The following SMARCA2 variants were observed in gnomAD, a reference collection of about 807,000 sequenced individuals.
The protein encoded by SMARCA2 is SWI/SNF-related matrix-associated actin-dependent regulator of chromatin subfamily A member 2.
In SMARCA2, 61 loss-of-function variants were observed where a neutral mutation model predicts 199.8. The ratio of observed to expected loss-of-function variants is 0.31; its 90% CI spans 0.25 to 0.38. The LOEUF (loss-of-function observed/expected upper bound fraction) is 0.38. Among genes scored for constraint, SMARCA2 ranks in the 10% least tolerant of loss-of-function variants. The pLI, the probability that SMARCA2 is intolerant of heterozygous loss-of-function variation, is 1.00. For synonymous variants in SMARCA2, 935 were observed against 732.0 expected (o/e 1.28, Z -4.48); for missense variants, 1,344 against 2,012.2 (o/e 0.67, Z 6.35).
At chr9:2,023,422 A>G (rs1200039180) in intron 1 of SMARCA2, among the ~76,000 whole-genome samples, 3 of 152,238 alleles carry the variant, frequency 2.0e-5, no homozygotes, top group South Asian at 2.1e-4. Context: ...CTTTTAAAAA[A>G]CATATTTGAC....
At chr9:2,019,020 G>A (rs1461645272) in intron 1 of SMARCA2, among the ~76,000 whole-genome samples, 1 of 151,816 alleles carries the variant, frequency 6.6e-6, no homozygotes. Context: ...TTATTCTCTT[G>A]GACTTTCTTT....
At chr9:2,184,200 C>T (rs117036926) in intron 31 of SMARCA2, among the ~76,000 whole-genome samples, 3,030 of 152,260 alleles carry the variant, frequency 0.02, 36 homozygotes, top group Middle Eastern at 0.034. Flanking sequence ...TCCATTCGGA[C>T]TGATACTATG....
intron 27 of SMARCA2, among the ~76,000 whole-genome samples, chr9:2,144,622 G>A (rs1019154360): frequency 5.9e-5 from 9 of 152,178 alleles, no homozygotes; most frequent in African/African-American, 2.2e-4. Flanking sequence ...CTCACCATAT[G>A]GAGGATTGGA....
intron 16 of SMARCA2, 58 bp from the exon 17 acceptor site, chr9:2,084,028 G>GA (rs774827369): frequency 1.1e-6 from 1 of 914,786 alleles, no homozygotes; most frequent in Non-Finnish European, 1.8e-6. Flanking sequence ...TGAAAAGTGA[G>GA]AAATAATGCA....
intron 4 of SMARCA2, chr9:2,043,990 C>T (rs1457123196): frequency 6.6e-6 from 1 of 152,196 alleles, no homozygotes; most frequent in East Asian, 1.9e-4. Flanking sequence ...ATTTGTCTTC[C>T]ATTTGAAGAT....
Position 2,116,060 on chromosome 9 carries a change from A to C in SMARCA2, c.3684+11A>C. 12 of 1,579,906 alleles carry C rather than the reference A, an allele frequency of 7.6e-6. No individual in the cohort carries two copies. Among genetic ancestry groups the C allele is most frequent in the Non-Finnish European group, 9.6e-6 (11 of 1,149,872 alleles). On this transcript the variant is annotated intron_variant, in intron 25 of 33. Transcript: ENST00000349721. ...GAGGAGGAAAATGAGGTATTAGAGA[A>C]AACCCCAAGTTTATGAAATCAAACA...
Position 2,029,077 on chromosome 9 carries a change from C to T in SMARCA2, c.55C>T (p.Pro19Ser), listed in dbSNP as rs777207780. 1.3e-6 allele frequency: 2 copies of T among 1,572,638 alleles called. No homozygotes were observed. The highest frequency in any genetic ancestry group is 1.7e-6 in the Non-Finnish European group (2 of 1,157,510). ...AMPHPGPSPG[P>S]GPSPGPILGP... The stretch of plus-strand genomic sequence containing the variant: ...GCCCCACCCAGGGCCTTCGCCGGGG[C>T]CTGGGCCTTCCCCTGGGCCAATTCT... The change falls in exon 2 of 34, where the codon CCT (proline) becomes TCT (serine). Residue 19 changes from proline (P) to serine (S), a missense_variant. Pro to Ser is a moderately conservative substitution (Grantham distance 74, BLOSUM62 -1). Transcript: ENST00000349721.
rs1245037546 is a variant in SMARCA2 at position 2,170,170 on chromosome 9, G to A, written c.4200-249G>A. ...CATGTAAGAGGGAACAGGGTAACAG[G>A]AATTTCTGTGTGTGACGGAAGTAGG... On this transcript the variant is annotated intron_variant, in intron 28 of 33. Coordinates refer to ENST00000349721, the MANE Select transcript of SMARCA2 (RefSeq NM_003070.5). The surrounding 1 kb of genome is among the most constrained non-coding windows in gnomAD (Gnocchi z 4.7). Among the ~76,000 whole-genome samples, 1 of 152,180 alleles carries A rather than the reference G, an allele frequency of 6.6e-6. No individual in the cohort carries two copies.
chr9:2,090,350 G>A lies in SMARCA2; in HGVS notation c.2883+1737G>A, dbSNP rs147357002. ...CAGTGTGTGGTATTATCTACCTTTA[G>A]AGGTATCTGTACCTTTAAAGGCAGC... On this transcript the variant is annotated intron_variant, in intron 19 of 33. Transcript: ENST00000349721. 7.7e-3 allele frequency among the ~76,000 whole-genome samples: 1,165 copies of A among 152,266 alleles called. 22 individuals are homozygous for A. Among genetic ancestry groups the A allele is most frequent in the African/African-American group, 0.027 (1,118 of 41,562 alleles).
At chr9:2,175,869 G>T (rs570081084) in intron 29 of SMARCA2, among the ~76,000 whole-genome samples, 26 of 150,240 alleles carry the variant, frequency 1.7e-4, no homozygotes, top group Admixed American at 4.7e-4. Flanking sequence ...GTTTTTTTGG[G>T]TTTTTTTTGT....
chr9:2,142,607 T>G (rs1364670162), intron 27 of SMARCA2, among the ~76,000 whole-genome samples: 2 of 152,206 alleles, frequency 1.3e-5, no homozygotes, highest in Admixed American at 6.5e-5. Flanking sequence ...TTTAATAGCC[T>G]GTAGAGTTGA....
At chr9:2,152,984 C>G (rs1398159251) in intron 27 of SMARCA2, among the ~76,000 whole-genome samples, 1 of 151,800 alleles carries the variant, frequency 6.6e-6, no homozygotes, top group Non-Finnish European at 1.5e-5. Context: ...GTGAACTTAC[C>G]CACATAAATG....
chr9:2,136,435 A>G (rs76782724), intron 27 of SMARCA2, among the ~76,000 whole-genome samples: 1 of 151,064 alleles, frequency 6.6e-6, no homozygotes, highest in Admixed American at 6.6e-5. Context: ...TGATCTGCCC[A>G]CCTCAGCCTC....
In SMARCA2 at chr9:2,056,232, C is replaced by T. The variant is rs1265842892; in HGVS notation, c.1174-440C>T. Among the ~76,000 whole-genome samples the T allele has an allele frequency of 1.3e-5, 2 of 152,112 alleles. No individual in the cohort carries two copies. Among genetic ancestry groups the T allele is most frequent in the South Asian group, 2.1e-4 (1 of 4,832 alleles). Reference sequence around the variant, plus strand: ...TGTTTGAGTACCTGCTGCTACCACACGTGAAAGTAATTCTTTTATTCTTTT... The same window carrying T: ...TGTTTGAGTACCTGCTGCTACCACATGTGAAAGTAATTCTTTTATTCTTTT... On this transcript the variant is annotated intron_variant, in intron 6 of 33. Transcript: ENST00000349721. The surrounding 1 kb of genome is among the most constrained non-coding windows in gnomAD (Gnocchi z 4.0).
At chr9:2,091,578 G>A (rs1351162962) in intron 19 of SMARCA2, among the ~76,000 whole-genome samples, 3 of 152,144 alleles carry the variant, frequency 2.0e-5, no homozygotes, top group African/African-American at 7.2e-5. Flanking sequence ...ACAGGTTTTT[G>A]TGTGAACATA....
chr9:2,165,867 G>C (rs946335709), intron 28 of SMARCA2, among the ~76,000 whole-genome samples: 1 of 152,124 alleles, frequency 6.6e-6, no homozygotes, highest in Admixed American at 6.5e-5. Flanking sequence ...CGTTGGAAGG[G>C]ATGTTTAGCT....
Position 2,191,388 on chromosome 9 carries a change from G to A in SMARCA2, c.4717G>A (p.Asp1573Asn), listed in dbSNP as rs61736899. The A allele has an allele frequency of 1.4e-3, 2,193 of 1,614,158 alleles. 2 individuals carry two copies. Among genetic ancestry groups the A allele is most frequent in the Non-Finnish European group, 1.6e-3 (1,933 of 1,179,998 alleles). Residue 1573 changes from aspartate to asparagine, a missense_variant, in exon 33 of 34, where the codon GAT becomes AAT. Asp to Asn is a conservative substitution (Grantham distance 23). Coordinates refer to ENST00000349721, the MANE Select transcript of SMARCA2 (RefSeq NM_003070.5). ...ACCTGTAGTGAGCGATTTTGACAGC[G>A]ATGAGGAGCAGGATGAACGTGTAAG... ...AKPVVSDFDS[D>N]EEQDEREQSE...
chr9:2,050,425 C>T (rs1820067109), intron 5 of SMARCA2, among the ~76,000 whole-genome samples: 1 of 151,842 alleles, frequency 6.6e-6, no homozygotes, highest in African/African-American at 2.4e-5. Context: ...ATCAAAAGTA[C>T]CTCAGGAATC....
At chr9:2,152,620 G>A (rs1422185928) in intron 27 of SMARCA2, among the ~76,000 whole-genome samples, 1 of 151,866 alleles carries the variant, frequency 6.6e-6, no homozygotes, top group Non-Finnish European at 1.5e-5. Flanking sequence ...GGGAGGCTGA[G>A]GTGGGCGGAT....
Sources: allele counts gnomAD v4.1 joint callset (sites outside exome capture counted in the v4.1 genomes callset), GRCh38; gene constraint gnomAD v4.1.1; non-coding constraint Gnocchi (gnomAD v3.1); transcripts MANE v1.5; gene names NCBI Gene and HGNC (gene_info 2026-07-23, HGNC 2026-07-21).